ZNF804B: variants seen among roughly 807,000 people sequenced by gnomAD.
The protein encoded by ZNF804B is zinc finger 804B.
ZNF804B carries 80 observed loss-of-function variants against 101.4 expected under a neutral mutation model. That is an observed-to-expected ratio of 0.79 (90% CI 0.66 to 0.95). The LOEUF is 0.95. ZNF804B is among the 40% of genes least tolerant of loss of function. The pLI, the probability that ZNF804B is intolerant of heterozygous loss-of-function variation, is 0.00. For synonymous variants in ZNF804B, 622 were observed against 558.8 expected, an observed-to-expected ratio of 1.11 and a Z score of -1.59; for missense variants, 1,673 against 1,561.9, an observed-to-expected ratio of 1.07 and a Z score of -1.20.
chr7:89,269,822 G>A (rs1554387018), intron 2 of ZNF804B, among the ~76,000 whole-genome samples: 1 of 152,170 alleles, frequency 6.6e-6, no homozygotes, highest in Non-Finnish European at 1.5e-5. Flanking sequence ...CGGTGATGAT[G>A]AGTAAGTTTT....
chr7:88,826,515 C>G (rs1033890598), intron 1 of ZNF804B, among the ~76,000 whole-genome samples: 21 of 152,108 alleles, frequency 1.4e-4, no homozygotes, highest in African/African-American at 4.6e-4. Flanking sequence ...ATGATAATGA[C>G]TTCAGCAGGG....
chr7:88,836,840 C>T (rs772947911), intron 1 of ZNF804B, among the ~76,000 whole-genome samples: 4 of 151,802 alleles, frequency 2.6e-5, no homozygotes, highest in African/African-American at 4.8e-5. Context: ...AACAGGGGGC[C>T]GATGTAGGAA....
chr7:89,322,890 A>G (rs761416195), intron 2 of ZNF804B, among the ~76,000 whole-genome samples: 2 of 152,208 alleles, frequency 1.3e-5, no homozygotes, highest in Admixed American at 6.6e-5. Context: ...TCTTTTAGAA[A>G]ATAGAGGATA....
chr7:89,086,647 T>C (rs1789806527), intron 1 of ZNF804B, among the ~76,000 whole-genome samples: 1 of 152,008 alleles, frequency 6.6e-6, no homozygotes, highest in South Asian at 2.1e-4. Context: ...TACAATTGAG[T>C]CATTTAACAA....
intron 1 of ZNF804B, among the ~76,000 whole-genome samples, chr7:88,840,536 T>G (rs571020831): frequency 1.7e-4 from 26 of 152,258 alleles, no homozygotes; most frequent in Non-Finnish European, 3.2e-4. Context: ...ATTGGGGATA[T>G]TAGTAGTTGT....
intron 1 of ZNF804B, among the ~76,000 whole-genome samples, chr7:88,860,213 G>A (rs1791626312): frequency 6.6e-6 from 1 of 151,922 alleles, no homozygotes; most frequent in Admixed American, 6.6e-5. Context: ...ATATTGTAGA[G>A]GGCAATAGTA....
At chr7:89,311,250 C>G (rs1486422621) in intron 2 of ZNF804B, among the ~76,000 whole-genome samples, 1 of 152,070 alleles carries the variant, frequency 6.6e-6, no homozygotes, top group East Asian at 1.9e-4. Context: ...ATAACGAATA[C>G]TTTTCAAATA....
intron 1 of ZNF804B, among the ~76,000 whole-genome samples, chr7:89,153,982 C>G (rs1369932205): frequency 2.6e-5 from 4 of 152,014 alleles, no homozygotes; most frequent in Non-Finnish European, 5.9e-5. Context: ...TTCCCCATCA[C>G]CTTTTAAAAA....
intron 1 of ZNF804B, among the ~76,000 whole-genome samples, chr7:89,007,446 T>TATA (rs1788382638): frequency 0.016 from 943 of 57,182 alleles, 54 homozygotes; most frequent in African/African-American, 0.035. Flanking sequence ...ATCCATGATT[T>TATA]TATATATATA....
Position 89,271,126 on chromosome 7 carries a change from A to C in ZNF804B, c.249+52831A>C, listed in dbSNP as rs373352973. Among the ~76,000 whole-genome samples, 218 of 152,086 alleles carry C rather than the reference A, an allele frequency of 1.4e-3. 1 individual carries two copies. The highest frequency in any genetic ancestry group is 5.0e-3 in the African/African-American group (207 of 41,490). On this transcript the variant is annotated intron_variant, in intron 2 of 3. Transcript: ENST00000333190. ...ATGTTGAACAGGTGTGGTGAGAGAG[A>C]GCATCCCTGTCTTGTGCCAGTTTTC... is the stretch of plus-strand genomic sequence containing the variant.
Position 89,220,054 on chromosome 7 carries a change from CAT to C in ZNF804B, c.249+1765_249+1766del, listed in dbSNP as rs757889776. Among the ~76,000 whole-genome samples the C allele has an allele frequency of 1.8e-4, 20 of 110,244 alleles. 7 individuals carry two copies. The highest frequency in any genetic ancestry group is 1.1e-3 in the East Asian group (5 of 4,632). The allele number at this position is 110,244 out of a possible 152,430, so 72.3% of individuals were successfully genotyped here. ...ATACGCACATATATGTGCATATATA[CAT>C]ATATACGCACATATATGTGTATATA... On this transcript the variant is annotated intron_variant, in intron 2 of 3. Coordinates refer to ENST00000333190, the MANE Select transcript of ZNF804B (RefSeq NM_181646.5).
Position 88,877,045 on chromosome 7 carries a change from ATATATTTTTTTTTTTTTT to A in ZNF804B, c.108+116963_108+116980del, listed in dbSNP as rs1292883514. On this transcript the variant is annotated intron_variant, in intron 1 of 3. Transcript: ENST00000333190. ...ATATATAATATATATATATATATAT[ATATATTTTTTTTTTTTTT>A]TTTTTTTTTTTTTTGAGGCAGAGTC... Among the ~76,000 whole-genome samples, 7 of 36,498 alleles carry A rather than the reference ATATATTTTTTTTTTTTTT, an allele frequency of 1.9e-4. 2 individuals carry two copies. The highest frequency in any genetic ancestry group is 1.1e-3 in the African/African-American group (7 of 6,512). 23.9% of individuals were successfully genotyped at this position (36,498 alleles called of 152,430 possible).
chr7:88,778,706 T>C (rs948578570), intron 1 of ZNF804B, among the ~76,000 whole-genome samples: 2 of 152,216 alleles, frequency 1.3e-5, no homozygotes, highest in African/African-American at 4.8e-5. Context: ...ATCTCCAATC[T>C]ACCCCTACCC....
intron 1 of ZNF804B, among the ~76,000 whole-genome samples, chr7:88,999,527 A>C (rs1451121478): frequency 1.3e-5 from 2 of 152,074 alleles, no homozygotes; most frequent in African/African-American, 4.8e-5. Context: ...TTTTTCCTCC[A>C]ATGAGGAATT....
At chr7:88,973,157 A>C (rs745865433) in intron 1 of ZNF804B, among the ~76,000 whole-genome samples, 6 of 148,846 alleles carry the variant, frequency 4.0e-5, no homozygotes, top group Non-Finnish European at 9.0e-5. Context: ...TTTTTTTTGC[A>C]TGATGCCAAG....
chr7:89,185,151 G>T (rs1788356849), intron 1 of ZNF804B, among the ~76,000 whole-genome samples: 1 of 152,176 alleles, frequency 6.6e-6, no homozygotes. Flanking sequence ...ATACACAAAT[G>T]TAATTACAGC....
intron 1 of ZNF804B, among the ~76,000 whole-genome samples, chr7:89,203,049 A>G (rs1053951747): frequency 6.6e-6 from 1 of 152,008 alleles, no homozygotes; most frequent in Non-Finnish European, 1.5e-5. Flanking sequence ...ACTCACACAA[A>G]TGCACATACA....
intron 2 of ZNF804B, among the ~76,000 whole-genome samples, chr7:89,251,700 A>G (rs1789543693): frequency 6.6e-6 from 1 of 152,074 alleles, no homozygotes; most frequent in Admixed American, 6.6e-5. Context: ...TGTACTTTCT[A>G]TTACAAAAAT....
intron 1 of ZNF804B, among the ~76,000 whole-genome samples, chr7:88,977,883 T>G (rs1196428636): frequency 6.6e-6 from 1 of 151,690 alleles, no homozygotes; most frequent in Non-Finnish European, 1.5e-5. Context: ...CAAACTTTCC[T>G]CCTAATGCTG....
Sources: allele counts gnomAD v4.1 joint callset (sites outside exome capture counted in the v4.1 genomes callset), GRCh38; gene constraint gnomAD v4.1.1; transcripts MANE v1.5; gene names NCBI Gene and HGNC (gene_info 2026-07-23, HGNC 2026-07-21).